SVOP: variants seen among roughly 807,000 people sequenced by gnomAD.
SVOP encodes the protein SV2 related protein.
SVOP carries 17 observed loss-of-function variants against 69.1 expected under a neutral mutation model. The observed-to-expected ratio is 0.25, with a 90% CI of 0.17 to 0.37. SVOP has a LOEUF of 0.37. Among genes scored for constraint, SVOP ranks in the 10% least tolerant of loss-of-function variants. The pLI, the probability that SVOP is intolerant of heterozygous loss-of-function variation, is 1.00. For missense variants in SVOP, 435 were observed against 597.5 expected, an observed-to-expected ratio of 0.73 and a Z score of 2.84; for synonymous variants, 238 against 238.6, an observed-to-expected ratio of 1.00 and a Z score of 0.02.
intron 10 of SVOP, 127 bp downstream of exon 10, chr12:108,937,137 T>C: frequency 1.2e-6 from 1 of 845,534 alleles, no homozygotes; most frequent in Non-Finnish European, 2.0e-6. Context: ...AGGATGATGT[T>C]CGAACTACTG....
intron 1 of SVOP, among the ~76,000 whole-genome samples, chr12:109,003,377 C>T (rs2040285059): frequency 6.6e-6 from 1 of 152,208 alleles, no homozygotes; most frequent in Non-Finnish European, 1.5e-5. Flanking sequence ...GATGGAACAG[C>T]ATGCTGCTAA....
At chr12:108,927,312 C>T (rs1298716996) in intron 11 of SVOP, among the ~76,000 whole-genome samples, 1 of 152,158 alleles carries the variant, frequency 6.6e-6, no homozygotes, top group Non-Finnish European at 1.5e-5. Flanking sequence ...ATAGGTCACA[C>T]TCAGACTTTA....
chr12:108,992,961 C>T (rs941860530), intron 1 of SVOP, among the ~76,000 whole-genome samples: 10 of 152,122 alleles, frequency 6.6e-5, no homozygotes, highest in South Asian at 2.1e-4. Context: ...ATCCTAGCTA[C>T]GTGGATGGGC....
chr12:108,984,564 T>C (rs2040157502), intron 1 of SVOP, among the ~76,000 whole-genome samples: 1 of 152,118 alleles, frequency 6.6e-6, no homozygotes, highest in Admixed American at 6.6e-5. Flanking sequence ...TTGCTCTGTG[T>C]TCCTCTCACT....
intron 9 of SVOP, among the ~76,000 whole-genome samples, chr12:108,938,435 T>A (rs2137404439): frequency 6.6e-6 from 1 of 152,316 alleles, no homozygotes; most frequent in Non-Finnish European, 1.5e-5. Flanking sequence ...ATCCCCTAGA[T>A]CTAAGCACAC....
chr12:108,922,646 C>G (rs1398937549), intron 12 of SVOP, 44 bp downstream of exon 12: 1 of 1,452,700 alleles, frequency 6.9e-7, no homozygotes, highest in Non-Finnish European at 9.5e-7. Flanking sequence ...TTGCCATATT[C>G]CCAGGCTTGC....
Position 108,912,739 on chromosome 12 carries a change from C to G in SVOP, c.1443G>C (p.Val481=), listed in dbSNP as rs754369388. ...GALITPFIAQ[V]MLESSVYLTL... is the part of the protein sequence containing the mutation. Reference sequence around the variant, plus strand: ...TCAGGTACACAGAGGATTCCAGCATCACCTAGGGGAAGGAGACACGGGTCG... The same window carrying G: ...TCAGGTACACAGAGGATTCCAGCATGACCTAGGGGAAGGAGACACGGGTCG... Residue 481 remains valine, a splice_region_variant and synonymous_variant, in exon 16 of 16, where the codon GTG becomes GTC. Transcript: ENST00000610966. 1.2e-6 allele frequency: 2 copies of G among 1,613,354 alleles called. No homozygotes were observed. Among genetic ancestry groups the G allele is most frequent in the South Asian group, 1.1e-5 (1 of 91,054 alleles).
At chr12:108,979,218 C>A (rs1234083290) in intron 2 of SVOP, among the ~76,000 whole-genome samples, 1 of 80,866 alleles carries the variant, frequency 1.2e-5, no homozygotes, top group Admixed American at 1.7e-4. Context: ...CTTCCATGGC[C>A]AGAAAAAAAA....
intron 1 of SVOP, among the ~76,000 whole-genome samples, chr12:108,997,748 G>T (rs1212994342): frequency 6.6e-6 from 1 of 151,562 alleles, no homozygotes; most frequent in Non-Finnish European, 1.5e-5. Context: ...GCAGCTGAGG[G>T]TCCTGTCTGT....
chr12:109,002,685 T>A (rs375825618), intron 1 of SVOP, among the ~76,000 whole-genome samples: 1 of 151,736 alleles, frequency 6.6e-6, no homozygotes, highest in Non-Finnish European at 1.5e-5. Flanking sequence ...GGAAATCATC[T>A]TTCTCAGTAA....
At chr12:109,006,731 G>C (rs917736119) in intron 1 of SVOP, among the ~76,000 whole-genome samples, 1 of 152,132 alleles carries the variant, frequency 6.6e-6, no homozygotes, top group Admixed American at 6.6e-5. Flanking sequence ...CTGGGAGCTG[G>C]ATAAAGAAGG....
intron 1 of SVOP, among the ~76,000 whole-genome samples, chr12:108,985,680 T>TAAGAAA (rs1265164710): frequency 6.6e-6 from 1 of 151,874 alleles, no homozygotes; most frequent in Non-Finnish European, 1.5e-5. Context: ...TTTTATTTGT[T>TAAGAAA]AAGAAAAAGA....
At chr12:109,018,788 T>C (rs921750771) in intron 1 of SVOP, among the ~76,000 whole-genome samples, 2 of 152,228 alleles carry the variant, frequency 1.3e-5, no homozygotes, top group Admixed American at 6.5e-5. Context: ...ATTTTGTTTA[T>C]ATAAATGATT....
At chr12:108,990,189 G>C (rs1263099883) in intron 1 of SVOP, among the ~76,000 whole-genome samples, 1 of 152,186 alleles carries the variant, frequency 6.6e-6, no homozygotes, top group African/African-American at 2.4e-5. Context: ...TGTGTGGGCA[G>C]GCTTGCCAGA....
chr12:108,998,820 A>C (rs1325959536), intron 1 of SVOP, among the ~76,000 whole-genome samples: 1 of 151,696 alleles, frequency 6.6e-6, no homozygotes. Context: ...AGCGCTAAAC[A>C]TGGAAAGGAA....
chr12:108,955,663 C>G (rs1410284879), intron 6 of SVOP, among the ~76,000 whole-genome samples: 1 of 152,218 alleles, frequency 6.6e-6, no homozygotes, highest in African/African-American at 2.4e-5. Flanking sequence ...TCCCCTGTCC[C>G]TGTTCTATCT....
chr12:108,996,119 G>A (rs1435962518), intron 1 of SVOP, among the ~76,000 whole-genome samples: 1 of 152,084 alleles, frequency 6.6e-6, no homozygotes, highest in Admixed American at 6.6e-5. Context: ...TATAATCCTG[G>A]CATTTTGAGT....
intron 11 of SVOP, among the ~76,000 whole-genome samples, chr12:108,931,287 A>G (rs542203173): frequency 6.6e-6 from 1 of 152,326 alleles, no homozygotes; most frequent in Non-Finnish European, 1.5e-5. Flanking sequence ...CCCGAACACA[A>G]GCAGGAACTT....
At chr12:108,960,698 C>T (rs1196091394) in intron 6 of SVOP, among the ~76,000 whole-genome samples, 1 of 152,186 alleles carries the variant, frequency 6.6e-6, no homozygotes, top group Non-Finnish European at 1.5e-5. Context: ...TTCGCTTTTA[C>T]AACCTTCCAG....
Sources: gnomAD v4.1 joint callset for allele counts (sites outside exome capture counted in the v4.1 genomes callset) on GRCh38, gnomAD v4.1.1 for gene constraint, MANE v1.5 for transcripts, NCBI Gene and HGNC (gene_info 2026-07-23, HGNC 2026-07-21) for gene names.